Variants in GIGYF1 observed in about 807,000 individuals in gnomAD.
The protein encoded by GIGYF1 is GRB10-interacting GYF protein 1.
Under a neutral mutation model 147.1 loss-of-function variants are expected in GIGYF1, and 84 were observed. The ratio of observed to expected loss-of-function variants is 0.57; its 90% CI spans 0.48 to 0.68. The LOEUF is 0.68. GIGYF1 is among the 30% of genes least tolerant of loss of function. The probability of loss-of-function intolerance (pLI) is 0.00; values close to 1 mark genes in which losing one functional copy is unlikely to be tolerated. For synonymous variants in GIGYF1, 752 were observed against 589.5 expected (o/e 1.28, Z -3.99); for missense variants, 1,485 against 1,393.7 (o/e 1.07, Z -1.04).
intron 12 of GIGYF1, 88 bp from the exon 13 acceptor site, chr7:100,685,569 C>G: frequency 1.4e-6 from 2 of 1,448,714 alleles, no homozygotes; most frequent in Non-Finnish European, 1.9e-6. Context: ...GCTGGAACCG[C>G]GGGTCACACT....
chr7:100,691,563 G>A (rs1444010919), intron 1 of GIGYF1, among the ~76,000 whole-genome samples: 1 of 149,968 alleles, frequency 6.7e-6, no homozygotes, highest in Non-Finnish European at 1.5e-5. Context: ...CTCAGGGCCA[G>A]GTATCTGATC....
intron 17 of GIGYF1, 27 bp from the exon 18 acceptor site, chr7:100,684,184 G>A (rs1805090930): frequency 6.2e-7 from 1 of 1,608,966 alleles, no homozygotes; most frequent in Non-Finnish European, 8.5e-7. Context: ...GGAGATGGTG[G>A]GCCACAGAGC....
In GIGYF1 at chr7:100,689,466, G is replaced by C. The variant is rs1196593895; in HGVS notation, c.-1009C>G. ...GGCAGAGGACTCAAGCGGGTGGGCGGGGTCCAGGTGCTGCGGTGTTGTCAC... is the reference window on the plus strand; with the variant it reads ...GGCAGAGGACTCAAGCGGGTGGGCGCGGTCCAGGTGCTGCGGTGTTGTCAC... On this transcript the variant is annotated 5_prime_UTR_variant, in exon 2 of 27. Transcript: ENST00000678049. 6.6e-6 allele frequency: 1 copy of C among 152,542 alleles called. No individual in the cohort carries two copies. The highest frequency in any genetic ancestry group is 1.5e-5 in the Non-Finnish European group (1 of 68,328). 9.4% of individuals were successfully genotyped at this position (152,542 alleles called of 1,614,324 possible).
At chr7:100,686,101 A>T (rs764096771) in intron 11 of GIGYF1, 22 bp from the exon 12 acceptor site, 1 of 1,584,930 alleles carries the variant, frequency 6.3e-7, no homozygotes, top group Non-Finnish European at 8.6e-7. Context: ...CGGGGTGGGG[A>T]GCAGAGAACA....
In GIGYF1 at chr7:100,683,384, G is replaced by A. The variant is rs754888392; in HGVS notation, c.2113C>T (p.Arg705Ter). Residue 705 changes from arginine to a stop codon, truncating the protein, a stop_gained, in exon 21 of 27, where the codon CGA becomes TGA. Transcript: ENST00000678049. LOFTEE classifies it high-confidence loss of function. ...TGCTGCTGGCGGCGCTTCTCCTCTCGACGCTTGCGTTCCTCTTCCTCCCGC... is the reference window on the plus strand; with the variant it reads ...TGCTGCTGGCGGCGCTTCTCCTCTCAACGCTTGCGTTCCTCTTCCTCCCGC... Reference protein sequence around the residue: ...AKREEEERKRREEKRRQQQQE... With the variant: ...AKREEEERKR 1.9e-6 allele frequency: 3 copies of A among 1,613,494 alleles called. No individual in the cohort carries two copies. The highest frequency in any genetic ancestry group is 1.3e-5 in the African/African-American group (1 of 75,052).
At position 100,687,037 on chromosome 7, in the gene GIGYF1, C is replaced by T. The variant is rs1453781404; in HGVS notation, c.492G>A (p.Arg164=). ...RSQSWDDRGE[R]RFEKSARRDG... ...CCCGCCTTGCTGACTTCTCAAACCG[C>T]CTCTCGCCTCTGCAGCAGGGGAAAC... The change falls in exon 9 of 27, where the codon AGG becomes AGA. Residue 164 remains arginine (R), a synonymous_variant. Coordinates refer to ENST00000678049, the MANE Select transcript of GIGYF1 (RefSeq NM_001375765.1). The T allele has an allele frequency of 1.2e-6, 2 of 1,613,762 alleles. No individual in the cohort carries two copies. The highest frequency in any genetic ancestry group is 2.2e-5 in the East Asian group (1 of 44,892).
chr7:100,684,819 G>C lies in GIGYF1; in HGVS notation c.1366C>G (p.Gln456Glu). Residue 456 changes from glutamine (Q) to glutamate (E), a missense_variant, in exon 15 of 27, where the codon CAG becomes GAG. Physicochemically the swap from Gln to Glu is conservative, Grantham distance 29. Transcript: ENST00000678049. ...GCGGCTGCAGAGTGGCGCAGGCCCTGGGTCTGCATGGCAGCCGTGAACTGC... is the reference window on the plus strand; with the variant it reads ...GCGGCTGCAGAGTGGCGCAGGCCCTCGGTCTGCATGGCAGCCGTGAACTGC... ...EEQFTAAMQT[Q>E]GLRHSAAATA... The C allele has an allele frequency of 6.2e-7, 1 of 1,609,578 alleles. No homozygotes were observed. The highest frequency in any genetic ancestry group is 8.5e-7 in the Non-Finnish European group (1 of 1,178,008).
At chr7:100,683,984 C>A (rs574699936) in intron 18 of GIGYF1, 36 bp downstream of exon 18, 316 of 1,586,044 alleles carry the variant, frequency 2.0e-4, no homozygotes, top group South Asian at 2.3e-4. Context: ...ATCCCCCCCC[C>A]ACCCTGTATC....
intron 8 of GIGYF1, 72 bp downstream of exon 8, chr7:100,687,226 C>A: frequency 6.6e-7 from 1 of 1,504,854 alleles, no homozygotes; most frequent in Non-Finnish European, 9.2e-7. Context: ...CTCTGTTACC[C>A]TCTAGCGACA....
Position 100,682,766 on chromosome 7 carries a change from GCCC to G in GIGYF1, c.2421_2423del (p.Gly808del), listed in dbSNP as rs752222266. On this transcript the variant is annotated inframe_deletion, in exon 23 of 27. Coordinates refer to ENST00000678049, the MANE Select transcript of GIGYF1 (RefSeq NM_001375765.1). ...ACTGGTTCAGGGGGGCAGTGCCCAG[GCCC>G]CCAAGCTGCTACAGATGGCAGAAGA... is the stretch of plus-strand genomic sequence containing the variant. 3.3e-5 allele frequency: 51 copies of G among 1,525,078 alleles called. No homozygotes were observed. The African/African-American group carries it at 6.4e-4, about 19-fold the overall frequency. The allele number at this position is 1,525,078 out of a possible 1,614,324, so 94.5% of individuals were successfully genotyped here. A position where few individuals can be genotyped will look rare whatever the true frequency, so the allele number is the denominator to read the frequency against.
intron 1 of GIGYF1, among the ~76,000 whole-genome samples, chr7:100,693,353 G>A (rs965590770): frequency 6.6e-6 from 1 of 152,122 alleles, no homozygotes; most frequent in Admixed American, 6.5e-5. Context: ...GCTGCTGCAC[G>A]GAGGGGCATG....
chr7:100,691,551 C>T (rs532510136), intron 1 of GIGYF1, among the ~76,000 whole-genome samples: 8 of 144,832 alleles, frequency 5.5e-5, no homozygotes, highest in Non-Finnish European at 1.0e-4. Flanking sequence ...CTATTGCAAG[C>T]TCTCAGGGCC....
Position 100,684,429 on chromosome 7 carries a change from T to C in GIGYF1, c.1629+21A>G, listed in dbSNP as rs758552619. 4.4e-5 allele frequency: 71 copies of C among 1,611,310 alleles called. No homozygotes were observed. In the Admixed American group the frequency reaches 5.7e-4, roughly 13 times the overall value. On this transcript the variant is annotated intron_variant, in intron 16 of 26. Coordinates refer to ENST00000678049, the MANE Select transcript of GIGYF1 (RefSeq NM_001375765.1). ...GCACCCCTCACACCCTGTCCCTCCA[T>C]GCAGGGGAGAAGCGGCTCACCAGCA...
Position 100,685,359 on chromosome 7 carries a change from G to C in GIGYF1, c.1177C>G (p.Pro393Ala), listed in dbSNP as rs1287076886. 6.3e-7 allele frequency: 1 copy of C among 1,598,230 alleles called. No homozygotes were observed. The highest frequency in any genetic ancestry group is 1.8e-5 in the Admixed American group (1 of 55,088). Residue 393 changes from proline (P) to alanine (A), a missense_variant, in exon 13 of 27, where the codon CCC (proline) becomes GCC (alanine). Pro to Ala is a conservative substitution (Grantham distance 27, BLOSUM62 -1). Coordinates refer to ENST00000678049, the MANE Select transcript of GIGYF1 (RefSeq NM_001375765.1). The part of the protein sequence containing the change: ...GDGDETAEKE[P>A]PAAEDDIRGI... The stretch of plus-strand genomic sequence containing the variant: ...CCCTTCCTACCTTCGGCCGCTGGGG[G>C]CTCTTTCTCTGCAGTTTCGTCCCCA...
intron 12 of GIGYF1, 149 bp downstream of exon 12, chr7:100,685,825 C>T (rs1475100931): frequency 7.7e-6 from 5 of 653,038 alleles, no homozygotes; most frequent in South Asian, 7.5e-5. Context: ...CTCTGCTACC[C>T]CCTGGTTCCT....
rs756696255 is a variant in GIGYF1, at chr7:100,685,410, C to T, written c.1126G>A (p.Gly376Ser). 58 of 1,587,402 alleles carry T rather than the reference C, an allele frequency of 3.7e-5. No homozygotes were observed. The highest frequency in any genetic ancestry group is 4.8e-5 in the Non-Finnish European group (56 of 1,173,652). ...SSSPSPLPTLGPLWGTNGDGD... is the reference protein window; with the variant it reads ...SSSPSPLPTLSPLWGTNGDGD... ...TCCCCGTTTGTCCCCCAGAGTGGGC[C>T]CAGGGTGGGCAGTGGGGATGGGGAG... Residue 376 changes from glycine (G) to serine (S), a missense_variant, in exon 13 of 27, where the codon GGC becomes AGC. Gly to Ser is a moderately conservative substitution (Grantham distance 56). Coordinates refer to ENST00000678049, the MANE Select transcript of GIGYF1 (RefSeq NM_001375765.1).
chr7:100,684,079 CTGT>C lies in GIGYF1; in HGVS notation c.1806_1808del (p.Gln608del), dbSNP rs755031284. On this transcript the variant is annotated inframe_deletion, in exon 18 of 27. Coordinates refer to ENST00000678049, the MANE Select transcript of GIGYF1 (RefSeq NM_001375765.1). ...ATGCCGTGAGCTGCTGCTGCTGCTG[CTGT>C]GGCGGCGGCGGTGGTGGCGGTGTCA... is the stretch of plus-strand genomic sequence containing the variant. 37 of 1,606,210 alleles carry C rather than the reference CTGT, an allele frequency of 2.3e-5. No individual in the cohort carries two copies. Among genetic ancestry groups the C allele is most frequent in the South Asian group, 5.5e-5 (5 of 90,948 alleles).
chr7:100,681,660 C>T lies in GIGYF1; in HGVS notation c.*59G>A, dbSNP rs1447243037. On this transcript the variant is annotated 3_prime_UTR_variant, in exon 27 of 27. Coordinates refer to ENST00000678049, the MANE Select transcript of GIGYF1 (RefSeq NM_001375765.1). ...CGGGGAGCCTGCAGGCTGGGACCCT[C>T]GGTCCACGCCGCTGTGGCTGCCCTG... The T allele has an allele frequency of 1.9e-5, 28 of 1,474,314 alleles. No homozygotes were observed. Among genetic ancestry groups the T allele is most frequent in the South Asian group, 4.1e-5 (3 of 73,358 alleles). The allele number at this position is 1,474,314 out of a possible 1,614,324, so 91.3% of individuals were successfully genotyped here.
At chr7:100,684,427 C>T (rs1415304072) in intron 16 of GIGYF1, 23 bp downstream of exon 16, 2 of 1,611,186 alleles carry the variant, frequency 1.2e-6, no homozygotes, top group South Asian at 1.1e-5. Flanking sequence ...CCTGTCCCTC[C>T]ATGCAGGGGA....
Sources: allele counts gnomAD v4.1 joint callset (sites outside exome capture counted in the v4.1 genomes callset), GRCh38; gene constraint gnomAD v4.1.1; transcripts MANE v1.5; gene names NCBI Gene and HGNC (gene_info 2026-07-23, HGNC 2026-07-21).